The following UNC13C variants were observed in gnomAD, a reference collection of about 807,000 sequenced individuals.
UNC13C encodes the protein protein unc-13 homolog C.
In UNC13C, 174 loss-of-function variants were observed where a neutral mutation model predicts 245.4. The observed-to-expected ratio is 0.71, with a 90% CI of 0.63 to 0.80. The LOEUF (loss-of-function observed/expected upper bound fraction) is 0.80. Ranked by LOEUF, UNC13C falls within the 30% of genes least tolerant of loss-of-function variation. The pLI is 0.00. For missense variants in UNC13C, 2,829 were observed against 2,602.9 expected (o/e 1.09, Z -1.89); for synonymous variants, 992 against 895.1 (o/e 1.11, Z -1.93).
At chr15:54,422,773 C>T (rs1333713259) in intron 19 of UNC13C, among the ~76,000 whole-genome samples, 1 of 151,798 alleles carries the variant, frequency 6.6e-6, no homozygotes, top group Non-Finnish European at 1.5e-5. Context: ...AACACTCCCA[C>T]GCATCTCCAA....
chr15:54,382,926 T>C (rs551964130), intron 17 of UNC13C, among the ~76,000 whole-genome samples: 29 of 152,118 alleles, frequency 1.9e-4, no homozygotes, highest in African/African-American at 7.0e-4. Context: ...AACTATACAC[T>C]AACCAACTGA....
intron 2 of UNC13C, among the ~76,000 whole-genome samples, chr15:54,080,006 G>GTTTTTTTT (rs3985784): frequency 0.052 from 6,758 of 128,884 alleles, 423 homozygotes; most frequent in Non-Finnish European, 0.074. Context: ...TTGTCGAGCG[G>GTTTTTTTT]TTTTTTTTTT....
At position 54,050,114 on chromosome 15, in the gene UNC13C, C is replaced by T. The variant is rs554602627; in HGVS notation, c.2983+34228C>T. ...CCTCCCAAGTAGCTGCGATTACAGG[C>T]GCCCGCCACCACGCCCGGCTATTTT... On this transcript the variant is annotated intron_variant, in intron 2 of 32. Transcript: ENST00000260323. The T allele has an allele frequency of 1.1e-3, 381 of 336,960 alleles. 3 individuals are homozygous for T. The highest frequency in any genetic ancestry group is 6.3e-4 in the Non-Finnish European group (108 of 170,406). The allele number at this position is 336,960 out of a possible 1,614,324, so 20.9% of individuals were successfully genotyped here.
At chr15:54,123,900 T>A (rs1457813556) in intron 2 of UNC13C, among the ~76,000 whole-genome samples, 7 of 152,292 alleles carry the variant, frequency 4.6e-5, no homozygotes, top group Admixed American at 4.6e-4. Context: ...GTGTTTTTTA[T>A]CTTTATAATT....
chr15:54,032,532 T>C (rs7179772), intron 2 of UNC13C, among the ~76,000 whole-genome samples: 140,117 of 152,184 alleles, frequency 0.92, 65,606 homozygotes, highest in Non-Finnish European at 1. Context: ...GAAAAACTCT[T>C]GCTTTTAAGA....
chr15:54,610,934 TA>T (rs1176034127), intron 30 of UNC13C, among the ~76,000 whole-genome samples: 2 of 152,238 alleles, frequency 1.3e-5, no homozygotes, highest in Non-Finnish European at 2.9e-5. Flanking sequence ...TAGTAAGTAT[TA>T]AAAAAATTTT....
intron 10 of UNC13C, among the ~76,000 whole-genome samples, chr15:54,282,734 A>G (rs941028703): frequency 1.3e-5 from 2 of 152,104 alleles, no homozygotes; most frequent in Non-Finnish European, 2.9e-5. Flanking sequence ...TCTGGTGTCC[A>G]AGAAGAATGA....
chr15:54,412,271 A>G (rs1449620020), intron 18 of UNC13C, among the ~76,000 whole-genome samples: 2 of 152,136 alleles, frequency 1.3e-5, no homozygotes, highest in African/African-American at 2.4e-5. Context: ...TAATTGACTC[A>G]CAGTTCCACA....
intron 2 of UNC13C, among the ~76,000 whole-genome samples, chr15:54,119,811 A>G (rs2030543260): frequency 6.6e-6 from 1 of 152,188 alleles, no homozygotes; most frequent in African/African-American, 2.4e-5. Context: ...CATATAAAGA[A>G]AGTTTTAGTG....
At chr15:54,211,956 T>G (rs538515061) in intron 4 of UNC13C, among the ~76,000 whole-genome samples, 27 of 152,220 alleles carry the variant, frequency 1.8e-4, no homozygotes, top group African/African-American at 6.5e-4. Context: ...GATTCCGTTT[T>G]GCTGGCTTAT....
intron 28 of UNC13C, among the ~76,000 whole-genome samples, chr15:54,553,161 T>G (rs1896920544): frequency 8.9e-6 from 1 of 112,504 alleles, no homozygotes; most frequent in Non-Finnish European, 1.7e-5. Context: ...ATATATATTA[T>G]ATACTGTATT....
chr15:54,435,487 A>G (rs551765672), intron 19 of UNC13C, among the ~76,000 whole-genome samples: 7 of 152,140 alleles, frequency 4.6e-5, no homozygotes, highest in Admixed American at 4.6e-4. Flanking sequence ...ACAGAAAACT[A>G]AACACCATAT....
chr15:54,307,569 C>T (rs1025369026), intron 13 of UNC13C, among the ~76,000 whole-genome samples: 3 of 151,748 alleles, frequency 2.0e-5, no homozygotes, highest in Non-Finnish European at 4.4e-5. Context: ...GGGAAGAGAA[C>T]AAAGAGATTA....
intron 19 of UNC13C, among the ~76,000 whole-genome samples, chr15:54,470,380 T>C (rs1443350884): frequency 6.6e-6 from 1 of 151,590 alleles, no homozygotes; most frequent in Non-Finnish European, 1.5e-5. Flanking sequence ...TCCTGGACTT[T>C]TCTTTAATGG....
At chr15:54,552,891 C>CAA (rs1896887741) in intron 28 of UNC13C, among the ~76,000 whole-genome samples, 2 of 1,020 alleles carry the variant, frequency 2.0e-3, no homozygotes, top group Non-Finnish European at 3.8e-3. Context: ...TTCTATATTA[C>CAA]TATATATATA....
intron 22 of UNC13C, among the ~76,000 whole-genome samples, chr15:54,502,813 A>T (rs1201908497): frequency 6.6e-6 from 1 of 152,174 alleles, no homozygotes; most frequent in Non-Finnish European, 1.5e-5. Flanking sequence ...CCCTCAGAAT[A>T]GTCAGGCAGG....
rs56316345 is a variant in UNC13C, at chr15:54,172,703, GATATATATATATAT to G, written c.3071+29064_3071+29077del. Among the ~76,000 whole-genome samples the G allele has an allele frequency of 2.4e-3, 190 of 78,404 alleles. 2 individuals are homozygous for G. The highest frequency in any genetic ancestry group is 3.8e-3 in the African/African-American group (77 of 20,342). The allele number at this position is 78,404 out of a possible 152,430, so 51.4% of individuals were successfully genotyped here. Reference sequence around the variant, plus strand: ...TATGACAAAGTCAAATACACACACAGATATATATATATATATATATATATATATATATATATATA... The same window carrying G: ...TATGACAAAGTCAAATACACACACAGATATATATATATATATATATATATA... On this transcript the variant is annotated intron_variant, in intron 4 of 32. Transcript: ENST00000260323.
chr15:53,966,616 A>G, the UNC13C span, among the ~76,000 whole-genome samples: 91 of 152,108 alleles, frequency 6.0e-4, no homozygotes, highest in Non-Finnish European at 1.1e-3. Context: ...CAAAATTCTG[A>G]AGACAGTTTA....
intron 4 of UNC13C, among the ~76,000 whole-genome samples, chr15:54,185,111 G>GTT (rs2033931932): frequency 1.3e-5 from 2 of 152,006 alleles, no homozygotes; most frequent in Admixed American, 1.3e-4. Context: ...TTTTTGACGG[G>GTT]GTTGTTTGTT....
Sources: allele counts gnomAD v4.1 joint callset (sites outside exome capture counted in the v4.1 genomes callset), GRCh38; gene constraint gnomAD v4.1.1; transcripts MANE v1.5; gene names NCBI Gene and HGNC (gene_info 2026-07-23, HGNC 2026-07-21).